The following ASIC2 variants were observed in gnomAD, a reference collection of about 807,000 sequenced individuals.
The protein encoded by ASIC2 is acid-sensing ion channel 2.
ASIC2 carries 25 observed loss-of-function variants against 57.3 expected under a neutral mutation model. The observed-to-expected ratio is 0.44, with a 90% confidence interval of 0.32 to 0.61. The LOEUF is 0.61. Among genes scored for constraint, ASIC2 ranks in the 20% least tolerant of loss-of-function variants. The pLI, the probability that ASIC2 is intolerant of heterozygous loss-of-function variation, is 0.06. For synonymous variants in ASIC2, 319 were observed against 307.5 expected (o/e 1.04, Z -0.39); for missense variants, 641 against 738.1 (o/e 0.87, Z 1.52).
At chr17:33,536,981 C>T (rs1915253393) in intron 1 of ASIC2, among the ~76,000 whole-genome samples, 2 of 152,270 alleles carry the variant, frequency 1.3e-5, no homozygotes, top group African/African-American at 4.8e-5. Flanking sequence ...CACTGCACTC[C>T]AGCTTGGGCA....
chr17:33,230,996 C>G (rs1908069873), intron 1 of ASIC2, among the ~76,000 whole-genome samples: 2 of 152,146 alleles, frequency 1.3e-5, no homozygotes, highest in Admixed American at 6.5e-5. Context: ...GAGAGAGAAA[C>G]AGAGAACCTT....
chr17:33,883,939 C>A (rs1339476790), intron 1 of ASIC2, among the ~76,000 whole-genome samples: 2 of 152,104 alleles, frequency 1.3e-5, no homozygotes, highest in Admixed American at 6.5e-5. Context: ...AGTAACTTGC[C>A]CCAGGTCACA....
chr17:33,320,968 A>C (rs985825522), intron 1 of ASIC2, among the ~76,000 whole-genome samples: 2 of 152,182 alleles, frequency 1.3e-5, no homozygotes, highest in Non-Finnish European at 2.9e-5. Context: ...TTATTTATTC[A>C]TTCTGCATGG....
chr17:33,766,200 G>A (rs562522181), intron 1 of ASIC2, among the ~76,000 whole-genome samples: 2 of 152,304 alleles, frequency 1.3e-5, no homozygotes, highest in African/African-American at 4.8e-5. Flanking sequence ...TATTGTTATA[G>A]TTGTTCTGTT....
At chr17:33,791,246 A>G (rs537464001) in intron 1 of ASIC2, among the ~76,000 whole-genome samples, 4 of 152,206 alleles carry the variant, frequency 2.6e-5, no homozygotes, top group Non-Finnish European at 5.9e-5. Flanking sequence ...GAATCCTCAT[A>G]AACAGAACAG....
intron 1 of ASIC2, among the ~76,000 whole-genome samples, chr17:33,332,568 A>G (rs977314132): frequency 3.3e-5 from 5 of 152,118 alleles, no homozygotes; most frequent in Non-Finnish European, 5.9e-5. Context: ...TTAGATGACT[A>G]TCTCTGGCTT....
chr17:34,004,736 T>C (rs1906467163), intron 1 of ASIC2: 1 of 152,216 alleles, frequency 6.6e-6, no homozygotes, highest in South Asian at 2.1e-4. Flanking sequence ...GCCCATTCAA[T>C]GATAAGGGAT....
At chr17:33,566,237 TTTTG>T (rs1173588751) in intron 1 of ASIC2, among the ~76,000 whole-genome samples, 3 of 152,206 alleles carry the variant, frequency 2.0e-5, no homozygotes, top group African/African-American at 7.2e-5. Flanking sequence ...GATAATTGCA[TTTTG>T]TTTGTTTGGT....
chr17:33,978,152 C>T (rs1905463887), intron 1 of ASIC2, among the ~76,000 whole-genome samples: 1 of 152,208 alleles, frequency 6.6e-6, no homozygotes, highest in Non-Finnish European at 1.5e-5. Flanking sequence ...CTGGCCAGGG[C>T]TTGGTGAGCT....
At chr17:33,115,408 G>A (rs1211916509) in intron 1 of ASIC2, among the ~76,000 whole-genome samples, 2 of 152,146 alleles carry the variant, frequency 1.3e-5, no homozygotes, top group African/African-American at 4.8e-5. Flanking sequence ...CATTTAGGAT[G>A]AAGCCCCCAG....
At chr17:33,565,868 G>C (rs1242748845) in intron 1 of ASIC2, 2 of 152,336 alleles carry the variant, frequency 1.3e-5, no homozygotes, top group Non-Finnish European at 2.9e-5. Context: ...CCAGCACTGA[G>C]GTTTCCTGAT....
intron 1 of ASIC2, among the ~76,000 whole-genome samples, chr17:33,497,091 C>A (rs993849024): frequency 6.6e-6 from 1 of 152,196 alleles, no homozygotes; most frequent in East Asian, 1.9e-4. Context: ...ACTGCTTAGG[C>A]CATTGCTGGC....
intron 1 of ASIC2, among the ~76,000 whole-genome samples, chr17:34,066,722 T>G (rs144263445): frequency 6.6e-6 from 1 of 152,200 alleles, no homozygotes; most frequent in African/African-American, 2.4e-5. Context: ...CTCCGCTCAT[T>G]GTATCCAGTG....
intron 1 of ASIC2, among the ~76,000 whole-genome samples, chr17:34,120,395 T>C (rs149325187): frequency 1.0e-3 from 157 of 152,196 alleles, no homozygotes; most frequent in African/African-American, 3.5e-3. Flanking sequence ...CAGTATAGAG[T>C]GTGTCTGTGC....
At chr17:34,126,896 G>C (rs1911799959) in intron 1 of ASIC2, among the ~76,000 whole-genome samples, 1 of 152,144 alleles carries the variant, frequency 6.6e-6, no homozygotes, top group Non-Finnish European at 1.5e-5. Context: ...ACCATGTGCT[G>C]AGTAGCCCGG....
chr17:33,570,405 CT>C (rs1916393676), intron 1 of ASIC2, among the ~76,000 whole-genome samples: 1 of 152,180 alleles, frequency 6.6e-6, no homozygotes, highest in East Asian at 1.9e-4. Flanking sequence ...GCTCTGAAGC[CT>C]TTATTCTCAG....
In ASIC2 at chr17:34,039,119, G is replaced by A. The variant is rs1908001055; in HGVS notation, c.555+116859C>T. ...TTGTATTTCTCTAGCATCTTTTGCT[G>A]TTCATCAATCTGCCGTCTCAAATCA... On this transcript the variant is annotated intron_variant, in intron 1 of 9. Transcript: ENST00000359872. 1.9e-6 allele frequency: 3 copies of A among 1,613,998 alleles called. No individual in the cohort carries two copies. The African/African-American group carries it at 4.0e-5, about 22-fold the overall frequency.
chr17:33,631,891 T>C (rs182120891), intron 1 of ASIC2, among the ~76,000 whole-genome samples: 22 of 152,294 alleles, frequency 1.4e-4, no homozygotes, highest in African/African-American at 5.1e-4. Context: ...GGGTATGGTG[T>C]AGGACAGATG....
intron 1 of ASIC2, among the ~76,000 whole-genome samples, chr17:33,795,906 A>G (rs1911901670): frequency 6.6e-6 from 1 of 152,234 alleles, no homozygotes; most frequent in Non-Finnish European, 1.5e-5. Context: ...TTAAACAACA[A>G]CAAAAAAAGA....
Sources: gnomAD v4.1 joint callset for allele counts (sites outside exome capture counted in the v4.1 genomes callset) on GRCh38, gnomAD v4.1.1 for gene constraint, MANE v1.5 for transcripts, NCBI Gene and HGNC (gene_info 2026-07-23, HGNC 2026-07-21) for gene names.